The following LGALS8 variants were observed in gnomAD, a reference collection of about 807,000 sequenced individuals.
The protein encoded by LGALS8 is galectin 8, also known as galectin-8.
A neutral mutation model predicts 35.9 loss-of-function variants in LGALS8; 30 were observed. The ratio of observed to expected loss-of-function variants is 0.83; its 90% CI spans 0.62 to 1.13. The LOEUF (loss-of-function observed/expected upper bound fraction) is 1.13, where lower values mean the gene tolerates loss of function less well. Among genes scored for constraint, LGALS8 ranks in the 50% most tolerant of loss-of-function variants. The probability of loss-of-function intolerance (pLI) is 0.00; values close to 1 mark genes in which losing one functional copy is unlikely to be tolerated. For missense variants in LGALS8, 366 were observed against 388.7 expected (o/e 0.94, Z 0.49); for synonymous variants, 138 against 136.1 (o/e 1.01, Z -0.10).
chr1:236,538,930 G>A lies in LGALS8; in HGVS notation c.186G>A (p.Val62=). Residue 62 remains valine, a synonymous_variant, in exon 4 of 10, where the codon GTG becomes GTA. Transcript: ENST00000366584. ...GCAGCATGAAACCTCGAGCCGATGTGGCCTTTCATTTCAATCCTCGTTTCA... is the reference window on the plus strand; with the variant it reads ...GCAGCATGAAACCTCGAGCCGATGTAGCCTTTCATTTCAATCCTCGTTTCA... ...NGSSMKPRAD[V]AFHFNPRFKR... 2 of 1,613,776 alleles carry A rather than the reference G, an allele frequency of 1.2e-6. No individual in the cohort carries two copies. Among genetic ancestry groups the A allele is most frequent in the Non-Finnish European group, 8.5e-7 (1 of 1,180,022 alleles).
rs774329077 is a variant in LGALS8, at chr1:236,526,051, C to T, written c.-20C>T. Reference sequence around the variant, plus strand: ...GGTCATACACAGAAGAGACTCCAATCGACAAGAAGCTGGAAAAGAATGATG... The same window carrying T: ...GGTCATACACAGAAGAGACTCCAATTGACAAGAAGCTGGAAAAGAATGATG... On this transcript the variant is annotated 5_prime_UTR_variant, in exon 2 of 10. Coordinates refer to ENST00000366584, the MANE Select transcript of LGALS8 (RefSeq NM_201544.4). This position sits in a 1 kb window ranked among gnomAD's most constrained non-coding sequence, Gnocchi z 4.6. The T allele has an allele frequency of 5.0e-6, 8 of 1,607,432 alleles. No individual in the cohort carries two copies. The highest frequency in any genetic ancestry group is 3.3e-5 in the South Asian group (3 of 90,884).
rs777365181 is a variant in LGALS8, at chr1:236,539,042, G to GA, written c.302dup (p.Ser102ValfsTer3). On this transcript the variant is annotated frameshift_variant, in exon 4 of 10. Coordinates refer to ENST00000366584, the MANE Select transcript of LGALS8 (RefSeq NM_201544.4). LOFTEE classifies it high-confidence loss of function. ...CACCTATGACACGCCTTTCAAAAGA[G>GA]AAAAGTCTTTTGAGATCGTGATTAT... 1 of 1,614,162 alleles carries GA rather than the reference G, an allele frequency of 6.2e-7. No homozygotes were observed.
At chr1:236,538,473 C>T (rs2103091125) in intron 3 of LGALS8, among the ~76,000 whole-genome samples, 2 of 152,318 alleles carry the variant, frequency 1.3e-5, no homozygotes, top group East Asian at 1.9e-4. Context: ...CACTTCTGTG[C>T]TTTGGGTAGC....
chr1:236,528,984 C>T (rs1380145085), intron 2 of LGALS8, among the ~76,000 whole-genome samples: 1 of 152,170 alleles, frequency 6.6e-6, no homozygotes, highest in East Asian at 1.9e-4. Context: ...TTAAAAAAGT[C>T]AGGCTCTAAG....
At chr1:236,522,973 A>C (rs180793270), upstream of LGALS8, 2 of 152,362 alleles carry the variant, frequency 1.3e-5, no homozygotes, top group Admixed American at 1.3e-4. Context: ...AATGACACTA[A>C]AATATATCTT....
rs935876989 is a variant in LGALS8 at position 236,540,640 on chromosome 1, A to T, written c.422A>T (p.Tyr141Phe). 6.2e-7 allele frequency: 1 copy of T among 1,611,602 alleles called. No individual in the cohort carries two copies. Among genetic ancestry groups the T allele is most frequent in the African/African-American group, 1.3e-5 (1 of 74,768 alleles). Reference sequence around the variant, plus strand: ...GAGAAAATAGACACTCTGGGCATTTATGGCAAAGTGAATATTCACTCAATT... The same window carrying T: ...GAGAAAATAGACACTCTGGGCATTTTTGGCAAAGTGAATATTCACTCAATT... ...GPEKIDTLGI[Y>F]GKVNIHSIGF... The change falls in exon 5 of 10, where the codon TAT (tyrosine) becomes TTT (phenylalanine). Residue 141 changes from tyrosine (Y) to phenylalanine (F), a missense_variant. Coordinates refer to ENST00000366584, the MANE Select transcript of LGALS8 (RefSeq NM_201544.4).
intron 4 of LGALS8, 84 bp from the exon 5 acceptor site, chr1:236,540,480 A>G (rs1661910498): frequency 1.4e-6 from 2 of 1,416,520 alleles, no homozygotes; most frequent in Non-Finnish European, 9.4e-7. Context: ...GACGCAAGGA[A>G]ACATTTAAAT....
rs1157917342 is a variant in LGALS8 at position 236,550,679 on chromosome 1, C to T, written c.*2518C>T. The T allele has an allele frequency of 2.4e-5, 11 of 451,682 alleles. No individual in the cohort carries two copies. The highest frequency in any genetic ancestry group is 6.9e-5 in the East Asian group (2 of 29,034). The allele number at this position is 451,682 out of a possible 1,614,324, so 28.0% of individuals were successfully genotyped here. A position where few individuals can be genotyped will look rare whatever the true frequency, so the allele number is the denominator to read the frequency against. On this transcript the variant is annotated 3_prime_UTR_variant, in exon 10 of 10. Transcript: ENST00000366584. ...AACACAGCAGTCTGTATAAAAATAC[C>T]GTGTATCATTTACTCTTTCTGCAGC...
rs1662526016 is a variant in LGALS8 at position 236,548,134 on chromosome 1, C to T, written c.927C>T (p.Ile309=). The T allele has an allele frequency of 6.2e-7, 1 of 1,613,680 alleles. No individual in the cohort carries two copies. The highest frequency in any genetic ancestry group is 1.1e-5 in the South Asian group (1 of 91,000). ...ACACGCTGGAAATTAATGGAGACAT[C>T]CACTTACTGGAAGTAAGGAGCTGGT... ...SIDTLEINGD[I]HLLEVRSW is the part of the protein sequence containing the mutation. The change falls in exon 10 of 10, where the codon ATC becomes ATT. Residue 309 remains isoleucine, a synonymous_variant. Transcript: ENST00000366584.
chr1:236,519,624 A>G (rs1660496827), upstream of LGALS8, among the ~76,000 whole-genome samples: 1 of 152,228 alleles, frequency 6.6e-6, no homozygotes. Flanking sequence ...CTGCATGATC[A>G]GTTTCTCCTC....
intron 9 of LGALS8, among the ~76,000 whole-genome samples, chr1:236,547,644 T>C (rs1315018589): frequency 6.8e-6 from 1 of 146,362 alleles, no homozygotes; most frequent in South Asian, 2.2e-4. Context: ...AGGAGTGAGT[T>C]TTCCTGCTTT....
Position 236,544,797 on chromosome 1 carries a change from A to C in LGALS8, c.686A>C (p.His229Pro), listed in dbSNP as rs774367559. The change falls in exon 9 of 10, where the codon CAC becomes CCC. Residue 229 changes from histidine (H) to proline (P), a missense_variant. Coordinates refer to ENST00000366584, the MANE Select transcript of LGALS8 (RefSeq NM_201544.4). The part of the protein sequence containing the change: ...LAGKSKDIAL[H>P]LNPRLNIKAF... ...GGAAAATCAAAGGATATTGCTCTAC[A>C]CTTGAACCCACGCCTGAATATTAAA... The C allele has an allele frequency of 2.5e-6, 4 of 1,613,888 alleles. No individual in the cohort carries two copies. The highest frequency in any genetic ancestry group is 3.4e-6 in the Non-Finnish European group (4 of 1,179,898).
At chr1:236,530,966 CAA>C (rs1318383107) in intron 2 of LGALS8, among the ~76,000 whole-genome samples, 1 of 152,136 alleles carries the variant, frequency 6.6e-6, no homozygotes, top group Non-Finnish European at 1.5e-5. Flanking sequence ...TATGAATATC[CAA>C]AAGTGTGTGT....
At chr1:236,531,392 T>G (rs1407977077) in intron 2 of LGALS8, among the ~76,000 whole-genome samples, 3 of 152,130 alleles carry the variant, frequency 2.0e-5, no homozygotes, top group Non-Finnish European at 4.4e-5. Flanking sequence ...GGCATGATCT[T>G]GGCTTACTGC....
chr1:236,537,002 GC>G (rs1661553953), intron 2 of LGALS8, among the ~76,000 whole-genome samples: 1 of 149,502 alleles, frequency 6.7e-6, no homozygotes, highest in Admixed American at 6.6e-5. Context: ...AGATATCCTG[GC>G]CATGAGGTAT....
chr1:236,545,081 G>A, intron 9 of LGALS8, 166 bp downstream of exon 9: 1 of 525,790 alleles, frequency 1.9e-6, no homozygotes, highest in Non-Finnish European at 3.4e-6. Context: ...TGGGCAATCA[G>A]TATAAATGGC....
In LGALS8 at chr1:236,548,711, A is replaced by G; in HGVS notation, c.*550A>G. 1 of 386,714 alleles carries G rather than the reference A, an allele frequency of 2.6e-6. No homozygotes were observed. The highest frequency in any genetic ancestry group is 4.6e-6 in the Non-Finnish European group (1 of 219,254). The allele number at this position is 386,714 out of a possible 1,614,324, so 24.0% of individuals were successfully genotyped here. A position where few individuals can be genotyped will look rare whatever the true frequency, so the allele number is the denominator to read the frequency against. ...AGAAGACACAACTCCTTCCCCAGTGATCACTGTCATAACCAGTGCTCTACC... is the reference window on the plus strand; with the variant it reads ...AGAAGACACAACTCCTTCCCCAGTGGTCACTGTCATAACCAGTGCTCTACC... On this transcript the variant is annotated 3_prime_UTR_variant, in exon 10 of 10. Coordinates refer to ENST00000366584, the MANE Select transcript of LGALS8 (RefSeq NM_201544.4).
chr1:236,551,028 G>C lies in LGALS8; in HGVS notation c.*2867G>C, dbSNP rs1008847322. On this transcript the variant is annotated 3_prime_UTR_variant, in exon 10 of 10. Transcript: ENST00000366584. ...AAAAAAAATCAAAATTAAAATCTGA[G>C]TCAGTCCGCCTGCCTCGGTTCTCAT... The C allele has an allele frequency of 3.1e-5, 46 of 1,479,874 alleles. No homozygotes were observed. The highest frequency in any genetic ancestry group is 4.2e-5 in the Non-Finnish European group (46 of 1,090,148). The allele number at this position is 1,479,874 out of a possible 1,614,324, so 91.7% of individuals were successfully genotyped here. A position where few individuals can be genotyped will look rare whatever the true frequency, so the allele number is the denominator to read the frequency against.
At chr1:236,529,342 G>A (rs1661010556) in intron 2 of LGALS8, among the ~76,000 whole-genome samples, 2 of 152,072 alleles carry the variant, frequency 1.3e-5, no homozygotes, top group Admixed American at 1.3e-4. Context: ...AGCACTTTGG[G>A]AAGCCGAGGC....
Sources: allele counts gnomAD v4.1 joint callset (sites outside exome capture counted in the v4.1 genomes callset), GRCh38; gene constraint gnomAD v4.1.1; non-coding constraint Gnocchi (gnomAD v3.1); transcripts MANE v1.5; gene names NCBI Gene and HGNC (gene_info 2026-07-23, HGNC 2026-07-21).